The following EML4 variants were observed in gnomAD, a reference collection of about 807,000 sequenced individuals.
EML4 encodes the protein EMAP like 4.
Under a neutral mutation model 129.0 loss-of-function variants are expected in EML4, and 72 were observed. That is an observed-to-expected ratio of 0.56 (90% CI 0.46 to 0.68). EML4 has a LOEUF of 0.68. Ranked by LOEUF, EML4 falls within the 30% of genes least tolerant of loss-of-function variation. The pLI, the probability that EML4 is intolerant of heterozygous loss-of-function variation, is 0.00. For synonymous variants in EML4, 532 were observed against 405.0 expected (o/e 1.31, Z -3.77); for missense variants, 1,363 against 1,190.6 (o/e 1.14, Z -2.13).
At chr2:42,308,845 G>C (rs1668767100) in intron 17 of EML4, among the ~76,000 whole-genome samples, 1 of 152,172 alleles carries the variant, frequency 6.6e-6, no homozygotes, top group East Asian at 1.9e-4. Context: ...CATATAACGT[G>C]AAGTTTTGTG....
At chr2:42,302,920 T>C (rs931570092) in intron 14 of EML4, among the ~76,000 whole-genome samples, 184 bp from the exon 15 acceptor site, 2 of 152,230 alleles carry the variant, frequency 1.3e-5, no homozygotes, top group African/African-American at 4.8e-5. Flanking sequence ...TTGATAATTA[T>C]TATAACTTCT....
intron 14 of EML4, 68 bp downstream of exon 14, chr2:42,301,460 A>G (rs1668283200): frequency 7.9e-7 from 1 of 1,267,278 alleles, no homozygotes; most frequent in African/African-American, 1.6e-5. Flanking sequence ...CCACATTAAG[A>G]TAACTTATAC....
intron 10 of EML4, among the ~76,000 whole-genome samples, chr2:42,287,544 C>CT (rs997530609): frequency 1.0e-3 from 156 of 152,162 alleles, no homozygotes; most frequent in African/African-American, 3.6e-3. Flanking sequence ...CAATGTTTCT[C>CT]TGTTCCATAA....
intron 1 of EML4, among the ~76,000 whole-genome samples, chr2:42,202,610 A>T (rs1251312445): frequency 2.0e-5 from 3 of 152,140 alleles, no homozygotes; most frequent in Admixed American, 2.0e-4. Context: ...TGAGGGCAGG[A>T]ACCATCCAGC....
intron 6 of EML4, among the ~76,000 whole-genome samples, chr2:42,269,715 G>C (rs796909357): frequency 1.3e-5 from 2 of 152,164 alleles, no homozygotes; most frequent in Admixed American, 6.5e-5. Context: ...AAGTATATAA[G>C]TATATAAGCC....
At chr2:42,254,038 A>G (rs1572633118) in intron 2 of EML4, among the ~76,000 whole-genome samples, 1 of 152,262 alleles carries the variant, frequency 6.6e-6, no homozygotes, top group Admixed American at 6.5e-5. Flanking sequence ...TTTATGTAGA[A>G]TATTTGAAGA....
intron 10 of EML4, among the ~76,000 whole-genome samples, chr2:42,286,620 T>G (rs186493934): frequency 7.9e-5 from 12 of 152,362 alleles, no homozygotes; most frequent in African/African-American, 2.9e-4. Flanking sequence ...TTATGCTGCC[T>G]TGAGGTAGAG....
intron 1 of EML4, among the ~76,000 whole-genome samples, chr2:42,201,463 A>G (rs1313847087): frequency 1.3e-5 from 2 of 152,250 alleles, no homozygotes; most frequent in South Asian, 2.1e-4. Flanking sequence ...AGTTAAAAGT[A>G]TAACGCTTTC....
intron 1 of EML4, among the ~76,000 whole-genome samples, chr2:42,242,078 A>G (rs1327068943): frequency 6.6e-6 from 1 of 152,170 alleles, no homozygotes; most frequent in Non-Finnish European, 1.5e-5. Context: ...TCATTTTTTA[A>G]AAAATCAAAG....
At chr2:42,276,539 A>G (rs774593175) in intron 6 of EML4, among the ~76,000 whole-genome samples, 1 of 152,228 alleles carries the variant, frequency 6.6e-6, no homozygotes, top group African/African-American at 2.4e-5. Flanking sequence ...TTTAAAGCTT[A>G]TGAAAAGATA....
chr2:42,244,752 A>G (rs1404094695), intron 1 of EML4, among the ~76,000 whole-genome samples: 2 of 152,256 alleles, frequency 1.3e-5, no homozygotes, highest in East Asian at 1.9e-4. Flanking sequence ...TAGACTCCCT[A>G]TCTGATACAT....
rs1171926514 is a variant in EML4, at chr2:42,236,673, AGTGGAAT to A, written c.26-8831_26-8825del. On this transcript the variant is annotated intron_variant, in intron 1 of 22. Transcript: ENST00000318522. ...CTCCTACTTTAGGTTAGGGTAACAC[AGTGGAAT>A]TGCTGGGTCATAGGATGTGTGTGTC... Among the ~76,000 whole-genome samples, 388 of 152,308 alleles carry A rather than the reference AGTGGAAT, an allele frequency of 2.5e-3. 2 individuals carry two copies. The highest frequency in any genetic ancestry group is 3.9e-3 in the South Asian group (19 of 4,816).
chr2:42,215,443 A>G (rs575420946), intron 1 of EML4, among the ~76,000 whole-genome samples: 3 of 152,148 alleles, frequency 2.0e-5, no homozygotes, highest in Admixed American at 2.0e-4. Flanking sequence ...TTATGTACCT[A>G]TAAAAGCTTC....
intron 1 of EML4, among the ~76,000 whole-genome samples, chr2:42,173,409 C>T (rs1226781360): frequency 6.6e-6 from 1 of 152,006 alleles, no homozygotes; most frequent in African/African-American, 2.4e-5. Context: ...AGTAGAGCAT[C>T]TTCAACATGA....
At chr2:42,266,144 A>AG (rs1448648155) in intron 6 of EML4, among the ~76,000 whole-genome samples, 1 of 152,222 alleles carries the variant, frequency 6.6e-6, no homozygotes, top group African/African-American at 2.4e-5. Context: ...CGTTCCAAAA[A>AG]GAAAAGAAAG....
At chr2:42,184,878 C>G (rs1415364255) in intron 1 of EML4, among the ~76,000 whole-genome samples, 1 of 152,148 alleles carries the variant, frequency 6.6e-6, no homozygotes, top group Non-Finnish European at 1.5e-5. Flanking sequence ...CAAGAATGTG[C>G]CTTATACTAG....
intron 1 of EML4, among the ~76,000 whole-genome samples, chr2:42,178,511 C>T (rs1445629518): frequency 6.6e-6 from 1 of 152,084 alleles, no homozygotes; most frequent in South Asian, 2.1e-4. Context: ...CCACTGCACT[C>T]CAGCCTGGGC....
chr2:42,317,584 C>T (rs1392710206), intron 19 of EML4, 60 bp downstream of exon 19: 1 of 1,105,110 alleles, frequency 9.0e-7, no homozygotes, highest in East Asian at 2.4e-5. Context: ...CCGTTAAAAA[C>T]AAATTTTTAC....
At chr2:42,245,801 G>T in intron 2 of EML4, 114 bp downstream of exon 2, 5 of 1,014,586 alleles carry the variant, frequency 4.9e-6, no homozygotes, top group South Asian at 4.8e-5. Context: ...ATTATAGTTT[G>T]TTTTCCATTT....
Sources: gnomAD v4.1 joint callset for allele counts (sites outside exome capture counted in the v4.1 genomes callset) on GRCh38, gnomAD v4.1.1 for gene constraint, MANE v1.5 for transcripts, NCBI Gene and HGNC (gene_info 2026-07-23, HGNC 2026-07-21) for gene names.